Variants in TRIO observed in about 807,000 individuals in gnomAD.
TRIO encodes the protein triple functional domain protein.
A neutral mutation model predicts 351.9 loss-of-function variants in TRIO; 58 were observed. The observed-to-expected ratio is 0.16, with a 90% confidence interval of 0.13 to 0.21. The LOEUF (loss-of-function observed/expected upper bound fraction) is 0.21, where lower values mean the gene tolerates loss of function less well. Ranked by LOEUF, TRIO falls within the 10% of genes least tolerant of loss-of-function variation. The pLI, the probability that TRIO is intolerant of heterozygous loss-of-function variation, is 1.00. For missense variants in TRIO, 3,201 were observed against 4,027.8 expected (o/e 0.79, Z 5.56); for synonymous variants, 1,758 against 1,595.7 (o/e 1.10, Z -2.42).
chr5:14,399,110 A>G (rs1199820191), intron 30 of TRIO, 40 bp downstream of exon 30: 1 of 1,559,220 alleles, frequency 6.4e-7, no homozygotes. Context: ...TAAAGGTAAC[A>G]CAATTGCAGT....
At chr5:14,430,608 C>A (rs57132862) in intron 34 of TRIO, among the ~76,000 whole-genome samples, 1 of 152,136 alleles carries the variant, frequency 6.6e-6, no homozygotes, top group South Asian at 2.1e-4. Flanking sequence ...TCCTAGTGGG[C>A]CTTGGAGTCT....
chr5:14,290,491 C>G (rs189676309), intron 4 of TRIO, among the ~76,000 whole-genome samples: 13 of 152,306 alleles, frequency 8.5e-5, no homozygotes, highest in Non-Finnish European at 2.9e-5. Flanking sequence ...TTTGGGTATT[C>G]CAGCTGACAT....
chr5:14,503,583 G>A (rs1374887431), intron 54 of TRIO, among the ~76,000 whole-genome samples: 2 of 152,202 alleles, frequency 1.3e-5, no homozygotes, highest in Non-Finnish European at 2.9e-5. Flanking sequence ...CCCACGTGAG[G>A]GCAGTGGCAT....
At chr5:14,449,899 A>C (rs986049193) in intron 34 of TRIO, among the ~76,000 whole-genome samples, 10 of 152,224 alleles carry the variant, frequency 6.6e-5, no homozygotes, top group African/African-American at 2.4e-4. Context: ...CTTTATTGGA[A>C]ATTTCAGTGG....
chr5:14,204,850 G>A (rs1791357769), intron 1 of TRIO, among the ~76,000 whole-genome samples: 1 of 152,156 alleles, frequency 6.6e-6, no homozygotes, highest in South Asian at 2.1e-4. Flanking sequence ...CTCATTCACT[G>A]GGCTGTTCGG....
chr5:14,437,893 G>C (rs931483897), intron 34 of TRIO, among the ~76,000 whole-genome samples: 1 of 152,152 alleles, frequency 6.6e-6, no homozygotes, highest in African/African-American at 2.4e-5. Context: ...TTAAGAGTCA[G>C]TGCCCAATTT....
chr5:14,267,197 T>G (rs1795733936), intron 1 of TRIO, among the ~76,000 whole-genome samples: 2 of 152,260 alleles, frequency 1.3e-5, no homozygotes, highest in Non-Finnish European at 2.9e-5. Flanking sequence ...CTAGGCTTTC[T>G]GTTAATCCTA....
chr5:14,366,844 C>T lies in TRIO; in HGVS notation c.2755-16C>T, dbSNP rs1291099601. On this transcript the variant is annotated splice_polypyrimidine_tract_variant and intron_variant, in intron 15 of 56. Coordinates refer to ENST00000344204, the MANE Select transcript of TRIO (RefSeq NM_007118.4). ...GGGAAGTCCACTGCTTGGAGTTATC[C>T]TGTGTAATGTTTCAGGTGCTGGGTT... 2 of 1,613,962 alleles carry T rather than the reference C, an allele frequency of 1.2e-6. No individual in the cohort carries two copies. The highest frequency in any genetic ancestry group is 2.7e-5 in the African/African-American group (2 of 74,920).
At chr5:14,167,203 CTAATGATTAGG>C (rs1788818656) in intron 1 of TRIO, among the ~76,000 whole-genome samples, 1 of 151,386 alleles carries the variant, frequency 6.6e-6, no homozygotes, top group South Asian at 2.1e-4. Context: ...TTTCTGTTTC[CTAATGATTAGG>C]CTGTGGAACA....
intron 32 of TRIO, 148 bp from the exon 33 acceptor site, chr5:14,406,425 G>A (rs547394949): frequency 8.3e-6 from 6 of 724,460 alleles, no homozygotes; most frequent in African/African-American, 1.7e-5. Flanking sequence ...GCCTGTGCTC[G>A]GTGAAGGGTG....
At chr5:14,498,833 G>T in intron 53 of TRIO, 193 bp downstream of exon 53, 1 of 743,006 alleles carries the variant, frequency 1.3e-6, no homozygotes, top group Non-Finnish European at 2.0e-6. Context: ...GTGACCTCTC[G>T]GCACCTTATG....
chr5:14,416,900 G>A (rs562737212), intron 33 of TRIO, among the ~76,000 whole-genome samples: 1 of 152,304 alleles, frequency 6.6e-6, no homozygotes, highest in South Asian at 2.1e-4. Flanking sequence ...AAGCCCAGTG[G>A]GTTTCTGCTG....
chr5:14,381,991 C>G (rs1319263190), intron 21 of TRIO, among the ~76,000 whole-genome samples: 1 of 152,152 alleles, frequency 6.6e-6, no homozygotes, highest in Admixed American at 6.5e-5. Flanking sequence ...AGTTTTGAGG[C>G]TCTTTTCAAG....
At chr5:14,420,260 G>T in intron 34 of TRIO, 1 of 556,808 alleles carries the variant, frequency 1.8e-6, no homozygotes, top group Non-Finnish European at 3.1e-6. Flanking sequence ...GGTGTAGTGA[G>T]ATATGACATC....
At chr5:14,280,079 T>C (rs997089159) in intron 2 of TRIO, among the ~76,000 whole-genome samples, 3 of 152,140 alleles carry the variant, frequency 2.0e-5, no homozygotes, top group African/African-American at 7.2e-5. Flanking sequence ...TCCCAAAACA[T>C]TGGAAGAAAA....
intron 1 of TRIO, among the ~76,000 whole-genome samples, chr5:14,252,074 C>T (rs1421916351): frequency 2.0e-5 from 3 of 151,716 alleles, no homozygotes; most frequent in Non-Finnish European, 4.4e-5. Context: ...TACTTGTTTA[C>T]AGAAGGAAAA....
At chr5:14,450,419 G>A (rs1365950939) in intron 34 of TRIO, among the ~76,000 whole-genome samples, 1 of 152,168 alleles carries the variant, frequency 6.6e-6, no homozygotes. Flanking sequence ...TTGTGGGAGG[G>A]GCTGCGCAGG....
chr5:14,281,150 A>C (rs922063698), intron 3 of TRIO, among the ~76,000 whole-genome samples: 9 of 152,154 alleles, frequency 5.9e-5, no homozygotes, highest in Non-Finnish European at 1.0e-4. Flanking sequence ...CCCTATATTA[A>C]TGTATTAGTT....
chr5:14,188,639 C>G (rs1790271651), intron 1 of TRIO, among the ~76,000 whole-genome samples: 1 of 152,124 alleles, frequency 6.6e-6, no homozygotes, highest in Non-Finnish European at 1.5e-5. Flanking sequence ...TGCACTGTTG[C>G]TGATAACCTT....
Sources: gnomAD v4.1 joint callset for allele counts (sites outside exome capture counted in the v4.1 genomes callset) on GRCh38, gnomAD v4.1.1 for gene constraint, MANE v1.5 for transcripts, NCBI Gene and HGNC (gene_info 2026-07-23, HGNC 2026-07-21) for gene names.